Variants in ANKRD11 observed in about 807,000 individuals in gnomAD.
ANKRD11 encodes ankyrin repeat domain-containing protein 11.
A neutral mutation model predicts 195.7 loss-of-function variants in ANKRD11; 17 were observed. That is an observed-to-expected ratio of 0.09 (90% CI 0.06 to 0.13). ANKRD11 has a LOEUF of 0.13. Among genes scored for constraint, ANKRD11 ranks in the 10% least tolerant of loss-of-function variants. The probability of loss-of-function intolerance (pLI) is 1.00; values close to 1 mark genes in which losing one functional copy is unlikely to be tolerated. For synonymous variants in ANKRD11, 1,953 were observed against 1,528.1 expected (o/e 1.28, Z -6.49); for missense variants, 3,735 against 3,566.1 (o/e 1.05, Z -1.21).
intron 2 of ANKRD11, among the ~76,000 whole-genome samples, chr16:89,346,703 T>C (rs1427934649): frequency 6.6e-6 from 1 of 152,204 alleles, no homozygotes; most frequent in Admixed American, 6.5e-5. Flanking sequence ...ACAGAGATGC[T>C]ATACAGCAAG....
intron 4 of ANKRD11, chr16:89,299,013 AG>A (rs1339452791): frequency 4.6e-5 from 7 of 152,514 alleles, no homozygotes; most frequent in Admixed American, 2.0e-4. Flanking sequence ...CCTTCGCTGC[AG>A]CCCCACTCTG....
chr16:89,294,720 G>A (rs1345599857), intron 4 of ANKRD11, among the ~76,000 whole-genome samples: 2 of 152,296 alleles, frequency 1.3e-5, no homozygotes, highest in African/African-American at 2.4e-5. Context: ...CACACAGCCC[G>A]TACCTGTACC....
At chr16:89,403,482 C>T (rs28575874) in intron 2 of ANKRD11, 86,025 of 151,770 alleles carry the variant, frequency 0.57, 24,487 homozygotes, top group Middle Eastern at 0.73. Context: ...TGGGAGGGCA[C>T]CCCCAGGAAG....
At chr16:89,349,784 G>T (rs1246396590) in intron 2 of ANKRD11, among the ~76,000 whole-genome samples, 1 of 151,496 alleles carries the variant, frequency 6.6e-6, no homozygotes, top group African/African-American at 2.4e-5. Flanking sequence ...TATGAAGTTG[G>T]ACTTCATCAA....
chr16:89,454,133 C>T (rs898498724), intron 1 of ANKRD11, among the ~76,000 whole-genome samples: 1 of 151,598 alleles, frequency 6.6e-6, no homozygotes, highest in Non-Finnish European at 1.5e-5. Flanking sequence ...TGGCACACCA[C>T]AGCCAACACA....
intron 2 of ANKRD11, among the ~76,000 whole-genome samples, chr16:89,367,644 C>T (rs1042236798): frequency 1.3e-5 from 2 of 152,166 alleles, no homozygotes; most frequent in African/African-American, 4.8e-5. Flanking sequence ...TGGCACAAAA[C>T]CTCCCTTGAC....
At chr16:89,433,167 G>C (rs781519004) in intron 1 of ANKRD11, among the ~76,000 whole-genome samples, 1 of 152,166 alleles carries the variant, frequency 6.6e-6, no homozygotes, top group Non-Finnish European at 1.5e-5. Flanking sequence ...TTATGGACAA[G>C]AGTAATTTGG....
At position 89,443,545 on chromosome 16, in the gene ANKRD11, G is replaced by A. The variant is rs1358553105; in HGVS notation, c.-144-25177C>T. 3 of 152,176 alleles carry A rather than the reference G, an allele frequency of 2.0e-5. No homozygotes were observed. In the East Asian group the frequency reaches 5.8e-4, roughly 29 times the overall value. The allele number at this position is 152,176 out of a possible 1,614,324, so 9.4% of individuals were successfully genotyped here. The stretch of plus-strand genomic sequence containing the variant: ...CAGCAAGCACCACCCTGCACCACTA[G>A]TATTAGCACCACCCACATGGAAGGG... On this transcript the variant is annotated intron_variant, in intron 1 of 12. Transcript: ENST00000301030.
rs991901228 is a variant in ANKRD11, at chr16:89,390,428, G to C, written c.-60+27856C>G. Reference sequence around the variant, plus strand: ...AGTGTGGCGTGGGTGAGGTGCAGGAGCCTAACCAACGGTAAGGGGTGCTCC... The same window carrying C: ...AGTGTGGCGTGGGTGAGGTGCAGGACCCTAACCAACGGTAAGGGGTGCTCC... On this transcript the variant is annotated intron_variant, in intron 2 of 12. Transcript: ENST00000301030. Among the ~76,000 whole-genome samples the C allele has an allele frequency of 2.6e-5, 4 of 152,158 alleles. No homozygotes were observed. In the East Asian group the frequency reaches 7.7e-4, roughly 29 times the overall value.
intron 1 of ANKRD11, among the ~76,000 whole-genome samples, chr16:89,429,031 G>C (rs143283564): frequency 3.7e-4 from 56 of 152,320 alleles, no homozygotes; most frequent in African/African-American, 1.3e-3. Context: ...ATGGGGGTTG[G>C]GGGGAGGGAA....
intron 2 of ANKRD11, among the ~76,000 whole-genome samples, chr16:89,384,818 C>G (rs116418475): frequency 0.02 from 3,015 of 149,294 alleles, 102 homozygotes; most frequent in African/African-American, 0.071. Flanking sequence ...AGAACCGCTG[C>G]AGGTGAGAAC....
chr16:89,326,517 G>A (rs2037730612), intron 2 of ANKRD11, among the ~76,000 whole-genome samples: 1 of 152,140 alleles, frequency 6.6e-6, no homozygotes, highest in Non-Finnish European at 1.5e-5. Context: ...GGCCAAGGCA[G>A]GGGGGTCATT....
In ANKRD11 at chr16:89,279,731, G is replaced by C; in HGVS notation, c.6811C>G (p.Pro2271Ala). 1 of 1,538,134 alleles carries C rather than the reference G, an allele frequency of 6.5e-7. No homozygotes were observed. Among genetic ancestry groups the C allele is most frequent in the Non-Finnish European group, 8.7e-7 (1 of 1,147,274 alleles). The change falls in exon 9 of 13, where the codon CCT (proline) becomes GCT (alanine). Residue 2271 changes from proline (P) to alanine (A), a missense_variant. Physicochemically the swap from Pro to Ala is conservative, Grantham distance 27. Transcript: ENST00000301030. This position sits in a 1 kb window ranked among gnomAD's most constrained non-coding sequence, Gnocchi z 5.6. The part of the protein sequence containing the change: ...EGPPAASLCA[P>A]DGPAPNTVAQ... ...ACAGTGTTCGGGGCGGGGCCGTCAGGGGCACAGAGGGACGCGGCGGGGGGG... is the reference window on the plus strand; with the variant it reads ...ACAGTGTTCGGGGCGGGGCCGTCAGCGGCACAGAGGGACGCGGCGGGGGGG...
chr16:89,406,349 C>T (rs916430747), intron 2 of ANKRD11, among the ~76,000 whole-genome samples: 5 of 152,124 alleles, frequency 3.3e-5, no homozygotes, highest in Non-Finnish European at 5.9e-5. Flanking sequence ...CACGGGAAAC[C>T]CACACCTGGG....
chr16:89,317,221 A>G, intron 2 of ANKRD11, 143 bp from the exon 3 acceptor site: 2 of 684,684 alleles, frequency 2.9e-6, no homozygotes, highest in Non-Finnish European at 5.2e-6. Flanking sequence ...CAGGCCCAGG[A>G]AGGGACTTCT....
rs373931170 is a variant in ANKRD11, at chr16:89,392,120, G to A, written c.-60+26164C>T. On this transcript the variant is annotated intron_variant, in intron 2 of 12. Coordinates refer to ENST00000301030, the MANE Select transcript of ANKRD11 (RefSeq NM_013275.6). ...AATGTGAGGTCCCGTTCCAGCCAAT[G>A]GAAACCGGACACAGCAGTTGGTATA... Among the ~76,000 whole-genome samples the A allele has an allele frequency of 9.1e-4, 138 of 151,962 alleles. 3 individuals carry two copies. In the East Asian group the frequency reaches 0.022, roughly 24 times the overall value.
rs758502749 is a variant in ANKRD11 at position 89,285,679 on chromosome 16, G to C, written c.893-30C>G. On this transcript the variant is annotated intron_variant, in intron 8 of 12. Transcript: ENST00000301030. This position sits in a 1 kb window ranked among gnomAD's most constrained non-coding sequence, Gnocchi z 5.6. Reference sequence around the variant, plus strand: ...TGGAGGTAGGAAGCGAGAGGTCACAGGCAGGCTCAAAACAGCTCTCCCCAG... The same window carrying C: ...TGGAGGTAGGAAGCGAGAGGTCACACGCAGGCTCAAAACAGCTCTCCCCAG... 1.2e-6 allele frequency: 2 copies of C among 1,611,250 alleles called. No homozygotes were observed. The highest frequency in any genetic ancestry group is 1.7e-6 in the Non-Finnish European group (2 of 1,177,386).
intron 1 of ANKRD11, among the ~76,000 whole-genome samples, chr16:89,420,933 T>C (rs17702309): frequency 0.035 from 5,343 of 152,364 alleles, 140 homozygotes; most frequent in Non-Finnish European, 0.053. Flanking sequence ...ACAAGCTATG[T>C]TGTCAAACAG....
chr16:89,276,380 C>T (rs2033652373), intron 9 of ANKRD11, among the ~76,000 whole-genome samples: 1 of 152,152 alleles, frequency 6.6e-6, no homozygotes, highest in South Asian at 2.1e-4. Context: ...CTCACGCAGT[C>T]TCCACGTCTC....
Sources: gnomAD v4.1 joint callset for allele counts (sites outside exome capture counted in the v4.1 genomes callset) on GRCh38, gnomAD v4.1.1 for gene constraint, Gnocchi (gnomAD v3.1) non-coding constraint, MANE v1.5 for transcripts, NCBI Gene and HGNC (gene_info 2026-07-23, HGNC 2026-07-21) for gene names.